PLCE1: variants seen among roughly 807,000 people sequenced by gnomAD.
The protein encoded by PLCE1 is 1-phosphatidylinositol 4,5-bisphosphate phosphodiesterase epsilon-1.
PLCE1 carries 119 observed loss-of-function variants against 242.8 expected under a neutral mutation model. The observed-to-expected ratio is 0.49, with a 90% CI of 0.42 to 0.57. PLCE1 has a LOEUF of 0.57. Among genes scored for constraint, PLCE1 ranks in the 20% least tolerant of loss-of-function variants. The probability of loss-of-function intolerance (pLI) is 0.00; values close to 1 mark genes in which losing one functional copy is unlikely to be tolerated. For missense variants in PLCE1, 2,441 were observed against 2,788.8 expected (o/e 0.88, Z 2.81); for synonymous variants, 945 against 1,017.4 (o/e 0.93, Z 1.35).
chr10:94,324,459 A>C lies in PLCE1; in HGVS notation c.6612A>C (p.Thr2204=), dbSNP rs777496369. 2 of 1,614,088 alleles carry C rather than the reference A, an allele frequency of 1.2e-6. No homozygotes were observed. The highest frequency in any genetic ancestry group is 1.1e-5 in the South Asian group (1 of 91,080). ...ACACTACCAACAAGAAGACTACCACACCAAAGTCCTCTCAGCGGGTCCTTC... is the reference window on the plus strand; with the variant it reads ...ACACTACCAACAAGAAGACTACCACCCCAAAGTCCTCTCAGCGGGTCCTTC... The part of the protein sequence containing the change: ...VKDTTNKKTT[T]PKSSQRVLLD... Residue 2204 remains threonine, a synonymous_variant, in exon 31 of 33, where the codon ACA becomes ACC. Coordinates refer to ENST00000371380, the MANE Select transcript of PLCE1 (RefSeq NM_016341.4).
intron 3 of PLCE1, among the ~76,000 whole-genome samples, chr10:94,153,919 G>A (rs2047348983): frequency 6.6e-6 from 1 of 152,198 alleles, no homozygotes; most frequent in Admixed American, 6.5e-5. Context: ...TGAAATGGAA[G>A]ATTTAGCATT....
At chr10:94,066,044 G>T (rs1376833467) in intron 2 of PLCE1, among the ~76,000 whole-genome samples, 1 of 152,146 alleles carries the variant, frequency 6.6e-6, no homozygotes, top group East Asian at 1.9e-4. Context: ...GAGAAGCTAA[G>T]TTCATCTATA....
At chr10:94,047,944 A>G (rs550444572) in intron 2 of PLCE1, among the ~76,000 whole-genome samples, 1 of 152,274 alleles carries the variant, frequency 6.6e-6, no homozygotes, top group Non-Finnish European at 1.5e-5. Flanking sequence ...ACACTTCAAA[A>G]TGGTGATTAC....
chr10:94,199,649 G>A (rs1353773473), intron 4 of PLCE1, among the ~76,000 whole-genome samples: 1 of 152,200 alleles, frequency 6.6e-6, no homozygotes, highest in Non-Finnish European at 1.5e-5. Flanking sequence ...TGTCTTAGAT[G>A]CATTGTGGAG....
At position 94,236,046 on chromosome 10, in the gene PLCE1, G is replaced by A. The variant is rs758346786; in HGVS notation, c.2346G>A (p.Glu782=). The A allele has an allele frequency of 5.0e-6, 8 of 1,614,120 alleles. No homozygotes were observed. In the South Asian group the frequency reaches 8.8e-5, roughly 18 times the overall value. The change falls in exon 7 of 33, where the codon GAG becomes GAA. Residue 782 remains glutamate (E), a synonymous_variant. Coordinates refer to ENST00000371380, the MANE Select transcript of PLCE1 (RefSeq NM_016341.4). The part of the protein sequence containing the change: ...QVIRSCNRSL[E]TDEEDSPSEG... ...TCCGGAGCTGCAATCGAAGTCTGGA[G>A]ACAGACGAGGAGGACAGCCCCAGTG...
At position 94,306,583 on chromosome 10, in the gene PLCE1, C is replaced by T. The variant is rs2053214462; in HGVS notation, c.5779C>T (p.His1927Tyr). ...CATGTGGAACGAGCAGTTTCTGTTC[C>T]ACGTTCACTTCGAAGATCTTGTATT... is the stretch of plus-strand genomic sequence containing the variant. ...NPMWNEQFLF[H>Y]VHFEDLVFLR... Residue 1927 changes from histidine (H) to tyrosine (Y), a missense_variant, in exon 26 of 33, where the codon CAC becomes TAC. Around this residue, in one of 5 missense-constraint regions of PLCE1, gnomAD observed 1,004 missense variants for 1,322.7 expected, o/e 0.76. Coordinates refer to ENST00000371380, the MANE Select transcript of PLCE1 (RefSeq NM_016341.4). The surrounding 1 kb of genome is among the most constrained non-coding windows in gnomAD (Gnocchi z 5.7). 1.9e-6 allele frequency: 3 copies of T among 1,614,080 alleles called. No homozygotes were observed. Among genetic ancestry groups the T allele is most frequent in the Non-Finnish European group, 1.7e-6 (2 of 1,179,974 alleles).
chr10:94,175,859 T>C (rs2048111368), intron 4 of PLCE1, among the ~76,000 whole-genome samples: 1 of 152,210 alleles, frequency 6.6e-6, no homozygotes, highest in African/African-American at 2.4e-5. Context: ...TCACTTAACA[T>C]AATGACCTTC....
intron 2 of PLCE1, among the ~76,000 whole-genome samples, chr10:94,079,001 C>T (rs953583167): frequency 9.9e-5 from 15 of 152,140 alleles, no homozygotes; most frequent in Non-Finnish European, 1.5e-5. Context: ...GCTGTAGGTG[C>T]TACATCCCTC....
chr10:94,262,001 CTTTTTTTTT>C lies in PLCE1; in HGVS notation c.3815-484_3815-476del, dbSNP rs72217756. Among the ~76,000 whole-genome samples, 250 of 135,260 alleles carry C rather than the reference CTTTTTTTTT, an allele frequency of 1.8e-3. 1 individual carries two copies. Among genetic ancestry groups the C allele is most frequent in the Middle Eastern group, 7.7e-3 (2 of 260 alleles). 88.7% of individuals were successfully genotyped at this position (135,260 alleles called of 152,430 possible). A position where few individuals can be genotyped will look rare whatever the true frequency, so the allele number is the denominator to read the frequency against. ...ATCAACCTAGCTCTGTCTTCTTTTC[CTTTTTTTTT>C]TTTTTTTTGAGACAGACTCTCACTC... is the stretch of plus-strand genomic sequence containing the variant. On this transcript the variant is annotated intron_variant, in intron 13 of 32. Coordinates refer to ENST00000371380, the MANE Select transcript of PLCE1 (RefSeq NM_016341.4).
intron 2 of PLCE1, among the ~76,000 whole-genome samples, chr10:94,119,947 G>T (rs1564706314): frequency 6.6e-6 from 1 of 152,196 alleles, no homozygotes; most frequent in Non-Finnish European, 1.5e-5. Flanking sequence ...TTAAAGTGCG[G>T]CTACTTTGTG....
intron 3 of PLCE1, chr10:94,138,823 T>C (rs776847612): frequency 4.5e-5 from 9 of 197,920 alleles, no homozygotes; most frequent in African/African-American, 7.2e-5. Context: ...AGATCACTAA[T>C]GATGCCTGGA....
Position 94,227,394 on chromosome 10 carries a change from A to T in PLCE1, c.1898A>T (p.Lys633Ile). Residue 633 changes from lysine to isoleucine, a missense_variant, in exon 5 of 33, where the codon AAA becomes ATA. Lys to Ile is a moderately radical substitution (Grantham distance 102). This residue lies in a region of PLCE1 where 733 missense variants were observed against 754.2 expected (regional missense o/e 0.97). Coordinates refer to ENST00000371380, the MANE Select transcript of PLCE1 (RefSeq NM_016341.4). ...EVFSYLVHVA[K>I]CCWNMGNYNA... Reference sequence around the variant, plus strand: ...TTTTCATATTTGGTGCATGTGGCCAAATGCTGCTGGAACATGGGCAACTAC... The same window carrying T: ...TTTTCATATTTGGTGCATGTGGCCATATGCTGCTGGAACATGGGCAACTAC... 6.2e-7 allele frequency: 1 copy of T among 1,614,018 alleles called. No homozygotes were observed. The highest frequency in any genetic ancestry group is 8.5e-7 in the Non-Finnish European group (1 of 1,179,930).
At chr10:94,138,143 G>A (rs144212509) in intron 3 of PLCE1, 96 of 392,226 alleles carry the variant, frequency 2.4e-4, no homozygotes, top group African/African-American at 1.8e-3. Flanking sequence ...GAACCAGACT[G>A]CACCATGCAA....
chr10:94,002,002 C>T (rs2060941347), intron 1 of PLCE1, among the ~76,000 whole-genome samples: 1 of 152,070 alleles, frequency 6.6e-6, no homozygotes. Flanking sequence ...ACCTAATTTG[C>T]TTCTAACTCG....
chr10:94,128,843 G>A (rs1324189356), intron 2 of PLCE1, among the ~76,000 whole-genome samples: 3 of 152,152 alleles, frequency 2.0e-5, no homozygotes, highest in African/African-American at 7.2e-5. Context: ...AAAGAATGGT[G>A]GGCACTGGCA....
At chr10:94,013,041 G>T (rs1158499416) in intron 1 of PLCE1, among the ~76,000 whole-genome samples, 1 of 152,182 alleles carries the variant, frequency 6.6e-6, no homozygotes, top group African/African-American at 2.4e-5. Context: ...CCAGGAACTG[G>T]AATATACTAG....
intron 4 of PLCE1, among the ~76,000 whole-genome samples, chr10:94,202,233 T>A (rs1312707403): frequency 1.3e-5 from 2 of 152,196 alleles, no homozygotes; most frequent in Non-Finnish European, 2.9e-5. Flanking sequence ...CAAGACGTTT[T>A]ACACAAAAGA....
chr10:94,191,251 G>A lies in PLCE1; in HGVS notation c.1809+19755G>A, dbSNP rs186523502. On this transcript the variant is annotated intron_variant, in intron 4 of 32. Coordinates refer to ENST00000371380, the MANE Select transcript of PLCE1 (RefSeq NM_016341.4). ...CATTACTCTCCTCTCCCTAAAGTGGGCACACTTGAATTGACATTTGCAGGA... is the reference window on the plus strand; with the variant it reads ...CATTACTCTCCTCTCCCTAAAGTGGACACACTTGAATTGACATTTGCAGGA... Among the ~76,000 whole-genome samples, 19 of 152,280 alleles carry A rather than the reference G, an allele frequency of 1.2e-4. 1 individual carries two copies. The East Asian group carries it at 3.7e-3, about 29-fold the overall frequency.
rs749650847 is a variant in PLCE1, at chr10:94,227,325, G to A, written c.1829G>A (p.Trp610Ter). ...TTCCAGGTGAGCTCCTGGGTGACAT[G>A]GCTGATCCTCACGGCAGGCTCCATG... ...RFNEVSSWVT[W>*]LILTAGSMEE... Residue 610 changes from tryptophan (W) to a stop codon, truncating the protein, a stop_gained, in exon 5 of 33, where the codon TGG becomes TAG. Transcript: ENST00000371380. LOFTEE classifies it high-confidence loss of function. The A allele has an allele frequency of 6.2e-7, 1 of 1,614,106 alleles. No homozygotes were observed. The highest frequency in any genetic ancestry group is 2.2e-5 in the East Asian group (1 of 44,878).
Sources: gnomAD v4.1 joint callset for allele counts (sites outside exome capture counted in the v4.1 genomes callset) on GRCh38, gnomAD v4.1.1 for gene constraint, gnomAD v4.1.1 regional missense constraint, Gnocchi (gnomAD v3.1) non-coding constraint, MANE v1.5 for transcripts, NCBI Gene and HGNC (gene_info 2026-07-23, HGNC 2026-07-21) for gene names.